ATP8A1: variants seen among roughly 807,000 people sequenced by gnomAD.
The protein encoded by ATP8A1 is phospholipid-transporting ATPase IA.
A neutral mutation model predicts 177.7 loss-of-function variants in ATP8A1; 90 were observed. That is an observed-to-expected ratio of 0.51 (90% confidence interval 0.43 to 0.60). The LOEUF is 0.60. Among genes scored for constraint, ATP8A1 ranks in the 20% least tolerant of loss-of-function variants. ATP8A1 has a pLI of 0.00. For missense variants in ATP8A1, 1,072 were observed against 1,392.8 expected, an observed-to-expected ratio of 0.77 and a Z score of 3.67; for synonymous variants, 493 against 485.9, an observed-to-expected ratio of 1.01 and a Z score of -0.19.
At chr4:42,589,494 C>T (rs1372849864) in intron 7 of ATP8A1, among the ~76,000 whole-genome samples, 1 of 152,152 alleles carries the variant, frequency 6.6e-6, no homozygotes, top group Non-Finnish European at 1.5e-5. Context: ...TGCTTAAACA[C>T]ATAGACATTA....
chr4:42,547,610 G>C (rs1729062336), intron 19 of ATP8A1, among the ~76,000 whole-genome samples: 1 of 152,094 alleles, frequency 6.6e-6, no homozygotes, highest in South Asian at 2.1e-4. Flanking sequence ...AAATAAGCTT[G>C]GGAAAAGCAA....
At chr4:42,612,614 C>T (rs1040908111) in intron 5 of ATP8A1, among the ~76,000 whole-genome samples, 2 of 151,666 alleles carry the variant, frequency 1.3e-5, no homozygotes, top group Admixed American at 6.6e-5. Context: ...CATCAGGTCA[C>T]TGAATCATCA....
intron 22 of ATP8A1, among the ~76,000 whole-genome samples, chr4:42,521,868 C>CA (rs1213820098): frequency 2.0e-5 from 3 of 152,090 alleles, no homozygotes; most frequent in Non-Finnish European, 4.4e-5. Context: ...TCCATATCCT[C>CA]AGAGATCCAG....
intron 6 of ATP8A1, among the ~76,000 whole-genome samples, chr4:42,593,482 A>C (rs994292701): frequency 2.0e-5 from 3 of 152,050 alleles, no homozygotes; most frequent in African/African-American, 7.2e-5. Flanking sequence ...TTATTTGTTA[A>C]GTTTCGCTAA....
At chr4:42,523,933 CTGAAT>C (rs1726410948) in intron 21 of ATP8A1, among the ~76,000 whole-genome samples, 1 of 151,902 alleles carries the variant, frequency 6.6e-6, no homozygotes, top group Non-Finnish European at 1.5e-5. Flanking sequence ...TTTTCTCTGC[CTGAAT>C]TAACGGGAAA....
At chr4:42,495,339 G>T (rs1175794831) in intron 24 of ATP8A1, among the ~76,000 whole-genome samples, 1 of 152,072 alleles carries the variant, frequency 6.6e-6, no homozygotes, top group Non-Finnish European at 1.5e-5. Context: ...TAAACCATTG[G>T]GTATTACTTG....
intron 20 of ATP8A1, among the ~76,000 whole-genome samples, chr4:42,539,845 A>G (rs1229460768): frequency 5.9e-5 from 9 of 152,190 alleles, no homozygotes; most frequent in African/African-American, 2.2e-4. Context: ...TTTTAAAAAT[A>G]CTAGAAGAAA....
intron 28 of ATP8A1, 43 bp from the exon 29 acceptor site, chr4:42,455,462 A>C (rs746647012): frequency 4.2e-5 from 68 of 1,613,600 alleles, no homozygotes; most frequent in Non-Finnish European, 5.7e-5. Context: ...AGCCAAATGC[A>C]GGGTGAACCT....
At chr4:42,444,681 T>C in intron 31 of ATP8A1, 47 bp from the exon 32 acceptor site, 1 of 1,552,404 alleles carries the variant, frequency 6.4e-7, no homozygotes, top group Non-Finnish European at 8.9e-7. Flanking sequence ...AACATGAAAG[T>C]TCATCAAATG....
chr4:42,500,377 A>G (rs1017655482), intron 24 of ATP8A1, among the ~76,000 whole-genome samples: 5 of 147,898 alleles, frequency 3.4e-5, no homozygotes, highest in Non-Finnish European at 7.6e-5. Context: ...AAACAAAACA[A>G]AACAAAACAA....
chr4:42,626,529 G>C (rs183199520), intron 2 of ATP8A1: 1 of 166,246 alleles, frequency 6.0e-6, no homozygotes, highest in East Asian at 1.8e-4. Context: ...AAACACAACA[G>C]TGCAGTGAAG....
intron 10 of ATP8A1, among the ~76,000 whole-genome samples, chr4:42,580,449 A>G (rs1186190679): frequency 1.3e-5 from 2 of 152,246 alleles, no homozygotes; most frequent in Non-Finnish European, 2.9e-5. Flanking sequence ...GGTGGCATTT[A>G]GCAATTGTTT....
chr4:42,494,006 A>G (rs1030146134), intron 24 of ATP8A1, among the ~76,000 whole-genome samples: 5 of 151,908 alleles, frequency 3.3e-5, no homozygotes. Flanking sequence ...GTTTGAGACC[A>G]GCCTGGCCAA....
chr4:42,657,073 G>C lies in ATP8A1; in HGVS notation c.-200C>G, dbSNP rs1330401936. The C allele has an allele frequency of 2.3e-6, 1 of 442,580 alleles. No individual in the cohort carries two copies. The allele number at this position is 442,580 out of a possible 1,614,324, so 27.4% of individuals were successfully genotyped here. On this transcript the variant is annotated 5_prime_UTR_variant, in exon 1 of 37. Coordinates refer to ENST00000381668, the MANE Select transcript of ATP8A1 (RefSeq NM_006095.2). The stretch of plus-strand genomic sequence containing the variant: ...GGAGAAAGGCAGCGGTGGCGGCGAA[G>C]GTGGCGGCGCCCGCAGAGCTGGGCG...
At position 42,412,909 on chromosome 4, in the gene ATP8A1, C is replaced by T; in HGVS notation, c.*7G>A. 1 of 1,612,758 alleles carries T rather than the reference C, an allele frequency of 6.2e-7. No homozygotes were observed. Among genetic ancestry groups the T allele is most frequent in the Non-Finnish European group, 8.5e-7 (1 of 1,179,028 alleles). On this transcript the variant is annotated 3_prime_UTR_variant, in exon 37 of 37. Transcript: ENST00000381668. ...GGTAACAGAGCCTGCCTTTCAGGCT[C>T]TCCCCATCACCATTCGTCGGGCCTC...
intron 35 of ATP8A1, among the ~76,000 whole-genome samples, chr4:42,416,581 CTCTT>C (rs1713267993): frequency 1.3e-5 from 2 of 152,164 alleles, no homozygotes; most frequent in Admixed American, 1.3e-4. Flanking sequence ...GTAAGAAAGT[CTCTT>C]TCTTAAGAAA....
chr4:42,421,093 C>T (rs942251333), intron 35 of ATP8A1, among the ~76,000 whole-genome samples: 3 of 152,018 alleles, frequency 2.0e-5, no homozygotes, highest in Non-Finnish European at 4.4e-5. Flanking sequence ...TTCTTTTTAT[C>T]GCTAGAGAAA....
chr4:42,545,950 G>C (rs1302895735), intron 19 of ATP8A1, among the ~76,000 whole-genome samples: 1 of 152,114 alleles, frequency 6.6e-6, no homozygotes, highest in Non-Finnish European at 1.5e-5. Context: ...CTGCAGGCTG[G>C]GTAACAGAGA....
chr4:42,480,000 G>GTA (rs1239868786), intron 25 of ATP8A1, among the ~76,000 whole-genome samples: 1 of 147,524 alleles, frequency 6.8e-6, no homozygotes, highest in Non-Finnish European at 1.5e-5. Flanking sequence ...TTCTGCTTGT[G>GTA]TGTGTGTGTG....
Sources: allele counts gnomAD v4.1 joint callset (sites outside exome capture counted in the v4.1 genomes callset), GRCh38; gene constraint gnomAD v4.1.1; transcripts MANE v1.5; gene names NCBI Gene and HGNC (gene_info 2026-07-23, HGNC 2026-07-21).